Variants in CDADC1 observed in about 807,000 individuals in gnomAD.
CDADC1 encodes cytidine and dCMP deaminase domain containing 1.
Under a neutral mutation model 54.9 loss-of-function variants are expected in CDADC1, and 39 were observed. That is an observed-to-expected ratio of 0.71 (90% CI 0.55 to 0.93). The LOEUF (loss-of-function observed/expected upper bound fraction) is 0.93, where lower values mean the gene tolerates loss of function less well. Among genes scored for constraint, CDADC1 ranks in the 40% least tolerant of loss-of-function variants. The pLI is 0.00. For synonymous variants in CDADC1, 186 were observed against 204.0 expected (o/e 0.91, Z 0.75); for missense variants, 518 against 618.8 (o/e 0.84, Z 1.73).
chr13:49,280,300 G>T (rs1167634752), intron 7 of CDADC1, among the ~76,000 whole-genome samples: 1 of 152,060 alleles, frequency 6.6e-6, no homozygotes, highest in African/African-American at 2.4e-5. Context: ...TATAATAATT[G>T]TCATGTTCAG....
At chr13:49,260,360 G>A (rs1359301711) in intron 4 of CDADC1, among the ~76,000 whole-genome samples, 3 of 152,292 alleles carry the variant, frequency 2.0e-5, no homozygotes, top group East Asian at 3.9e-4. Flanking sequence ...TGATTCCTGG[G>A]CTAGGCATCT....
intron 6 of CDADC1, among the ~76,000 whole-genome samples, chr13:49,275,773 AGAGAGAGAGAGAGAGAGAGAGAGT>A: frequency 4.1e-5 from 4 of 96,422 alleles, no homozygotes; most frequent in Admixed American, 1.1e-4. Context: ...AGAGAGAGAG[AGAGAGAGAGAGAGAGAGAGAGAGT>A]CTCACTCTGT....
In CDADC1 at chr13:49,289,650, A is replaced by G. The variant is rs186806947; in HGVS notation, c.1472-2034A>G. On this transcript the variant is annotated intron_variant, in intron 9 of 9. Coordinates refer to ENST00000251108, the MANE Select transcript of CDADC1 (RefSeq NM_030911.4). Reference sequence around the variant, plus strand: ...ATGAACTAGAGCTACATTCTTCAACATGGATGAATCTTAGAAATATAAATG... The same window carrying G: ...ATGAACTAGAGCTACATTCTTCAACGTGGATGAATCTTAGAAATATAAATG... 1.1e-3 allele frequency among the ~76,000 whole-genome samples: 169 copies of G among 152,342 alleles called. 2 individuals carry two copies. The highest frequency in any genetic ancestry group is 3.8e-3 in the African/African-American group (158 of 41,572).
intron 6 of CDADC1, among the ~76,000 whole-genome samples, chr13:49,275,718 TATATATATAGAGAGAGAGAGAGAG>T (rs1566369976): frequency 5.1e-4 from 20 of 38,866 alleles, no homozygotes; most frequent in South Asian, 3.4e-3. Context: ...TATATATATA[TATATATATAGAGAGAGAGAGAGAG>T]AGAGAGAGAG....
chr13:49,270,839 A>G (rs1454728801), intron 5 of CDADC1, among the ~76,000 whole-genome samples: 1 of 152,246 alleles, frequency 6.6e-6, no homozygotes, highest in Non-Finnish European at 1.5e-5. Context: ...GGTGATTTAT[A>G]TATGTATCTC....
At chr13:49,251,845 ACT>A (rs35913102) in intron 2 of CDADC1, among the ~76,000 whole-genome samples, 28,258 of 148,728 alleles carry the variant, frequency 0.19, 2,806 homozygotes, top group African/African-American at 0.21. Flanking sequence ...CAAGGTTATG[ACT>A]CTCATTTTCT....
At chr13:49,267,031 G>T (rs1396088871) in intron 4 of CDADC1, among the ~76,000 whole-genome samples, 1 of 152,132 alleles carries the variant, frequency 6.6e-6, no homozygotes, top group South Asian at 2.1e-4. Context: ...TCTGTGAGAG[G>T]CTGGGTAACT....
rs147034807 is a variant in CDADC1, at chr13:49,264,459, C to A, written c.431-3031C>A. ...AGTACAGGTCAGGCGCAGTGGCCCA[C>A]ACCTGCAATCCCAACATTGTGAGGC... On this transcript the variant is annotated intron_variant, in intron 4 of 9. Transcript: ENST00000251108. 1.9e-3 allele frequency among the ~76,000 whole-genome samples: 293 copies of A among 151,428 alleles called. 1 individual carries two copies. The highest frequency in any genetic ancestry group is 6.8e-3 in the African/African-American group (282 of 41,230).
chr13:49,273,202 G>A (rs973973441), intron 5 of CDADC1, among the ~76,000 whole-genome samples: 2 of 152,108 alleles, frequency 1.3e-5, no homozygotes, highest in African/African-American at 4.8e-5. Flanking sequence ...AATTTTCTTT[G>A]TACCTTTACT....
In CDADC1 at chr13:49,262,268, C is replaced by A. The variant is rs1446771952; in HGVS notation, c.430+2745C>A. ...GACCAGTCAGGGCAATATGGAGAAA[C>A]CCCATATCTACTAAAAATAGAAAAA... On this transcript the variant is annotated intron_variant, in intron 4 of 9. Coordinates refer to ENST00000251108, the MANE Select transcript of CDADC1 (RefSeq NM_030911.4). Among the ~76,000 whole-genome samples the A allele has an allele frequency of 2.6e-5, 4 of 152,106 alleles. No homozygotes were observed. In the South Asian group the frequency reaches 8.3e-4, roughly 32 times the overall value.
At chr13:49,254,385 A>G (rs1197206700) in intron 2 of CDADC1, among the ~76,000 whole-genome samples, 1 of 148,450 alleles carries the variant, frequency 6.7e-6, no homozygotes, top group Non-Finnish European at 1.5e-5. Context: ...AACTTTATCA[A>G]TGTATTAACT....
rs1282239441 is a variant in CDADC1 at position 49,278,362 on chromosome 13, G to A, written c.1063G>A (p.Gly355Arg). The A allele has an allele frequency of 1.9e-6, 3 of 1,550,952 alleles. No homozygotes were observed. The South Asian group carries it at 3.6e-5, about 19-fold the overall frequency. ...CTCACTCTCGTAGAGAAGTTGTGAT[G>A]GAACAGGTGCCATGTACTTTGTAGG... ...WAEGKSRSCD[G>R]TGAMYFVGCG... Residue 355 changes from glycine to arginine, a missense_variant, in exon 7 of 10, where the codon GGA (glycine) becomes AGA (arginine). Physicochemically the swap from Gly to Arg is moderately radical, Grantham distance 125 (BLOSUM62 -2). Transcript: ENST00000251108.
chr13:49,269,232 G>A (rs1019173027), intron 5 of CDADC1, among the ~76,000 whole-genome samples: 2 of 151,066 alleles, frequency 1.3e-5, no homozygotes, highest in African/African-American at 2.4e-5. Flanking sequence ...AAATAGAATC[G>A]CCATTGAAAC....
At chr13:49,278,879 G>A (rs1055414845) in intron 7 of CDADC1, among the ~76,000 whole-genome samples, 5 of 152,250 alleles carry the variant, frequency 3.3e-5, no homozygotes, top group South Asian at 2.1e-4. Flanking sequence ...ACAGTTACAC[G>A]CCACAGAAAG....
rs1479500149 is a variant in CDADC1, at chr13:49,263,010, A to C, written c.430+3487A>C. On this transcript the variant is annotated intron_variant, in intron 4 of 9. Coordinates refer to ENST00000251108, the MANE Select transcript of CDADC1 (RefSeq NM_030911.4). ...CATCTTTTTAATATTCTGTGTGAGG[A>C]AACAGGAGGTGGGTATAAAGTGCTT... 3.9e-5 allele frequency among the ~76,000 whole-genome samples: 6 copies of C among 152,080 alleles called. No individual in the cohort carries two copies. In the South Asian group the frequency reaches 1.2e-3, roughly 31 times the overall value.
chr13:49,256,345 T>C (rs1441088015), intron 3 of CDADC1, among the ~76,000 whole-genome samples: 1 of 152,190 alleles, frequency 6.6e-6, no homozygotes, highest in Non-Finnish European at 1.5e-5. Flanking sequence ...TCTGGCTTAC[T>C]TTCTGCTGTG....
At chr13:49,266,083 G>A (rs536405484) in intron 4 of CDADC1, 5 of 381,002 alleles carry the variant, frequency 1.3e-5, no homozygotes, top group African/African-American at 1.1e-4. Flanking sequence ...ATGTTTATTT[G>A]TTTAACTGAG....
At chr13:49,274,066 G>A (rs1953036472) in intron 5 of CDADC1, among the ~76,000 whole-genome samples, 1 of 152,162 alleles carries the variant, frequency 6.6e-6, no homozygotes, top group Non-Finnish European at 1.5e-5. Flanking sequence ...ACGTATGTGT[G>A]ACTGAGTTGG....
At chr13:49,272,584 T>A (rs1952996896) in intron 5 of CDADC1, among the ~76,000 whole-genome samples, 1 of 152,032 alleles carries the variant, frequency 6.6e-6, no homozygotes, top group African/African-American at 2.4e-5. Flanking sequence ...CACCACTGCA[T>A]CCTCAGTTCT....
Sources: gnomAD v4.1 joint callset for allele counts (sites outside exome capture counted in the v4.1 genomes callset) on GRCh38, gnomAD v4.1.1 for gene constraint, MANE v1.5 for transcripts, NCBI Gene and HGNC (gene_info 2026-07-23, HGNC 2026-07-21) for gene names.